The following IGSF9B variants were observed in gnomAD, a reference collection of about 807,000 sequenced individuals.
The protein encoded by IGSF9B is immunoglobulin superfamily member 9B.
Under a neutral mutation model 143.7 loss-of-function variants are expected in IGSF9B, and 48 were observed. The ratio of observed to expected loss-of-function variants is 0.33; its 90% CI spans 0.26 to 0.42. The LOEUF (loss-of-function observed/expected upper bound fraction) is 0.42. IGSF9B is among the 20% of genes least tolerant of loss of function. IGSF9B has a pLI of 1.00. For missense variants in IGSF9B, 1,706 were observed against 1,980.0 expected, an observed-to-expected ratio of 0.86 and a Z score of 2.63; for synonymous variants, 903 against 833.1, an observed-to-expected ratio of 1.08 and a Z score of -1.44.
At chr11:133,929,907 G>T in intron 11 of IGSF9B, 125 bp from the exon 12 acceptor site, 1 of 645,560 alleles carries the variant, frequency 1.5e-6, no homozygotes. Context: ...TACTGCAAGT[G>T]AAGGGATGGG....
At position 133,909,141 on chromosome 11, in the gene IGSF9B, C is replaced by T; in HGVS notation, c.4242G>A (p.Gln1414=). 6.5e-7 allele frequency: 1 copy of T among 1,535,940 alleles called. No individual in the cohort carries two copies. ...FARLSDLCHR[Q]LPEDQTAILN... ...GAATCGCTGTCTGGTCTTCCGGAAG[C>T]TGGCGGTGGCACAAGTCTGAGAGCC... Residue 1414 remains glutamine, a synonymous_variant, in exon 20 of 20, where the codon CAG becomes CAA. Transcript: ENST00000533871. The surrounding 1 kb of genome is among the most constrained non-coding windows in gnomAD (Gnocchi z 4.2).
At chr11:133,929,608 G>A in intron 12 of IGSF9B, 63 bp downstream of exon 12, 1 of 1,246,652 alleles carries the variant, frequency 8.0e-7, no homozygotes, top group Non-Finnish European at 1.2e-6. Context: ...TAGCCTGCAG[G>A]AAGACCGGGG....
chr11:133,934,328 C>T (rs1256549819), intron 7 of IGSF9B, among the ~76,000 whole-genome samples: 2 of 152,228 alleles, frequency 1.3e-5, no homozygotes, highest in Admixed American at 6.5e-5. Flanking sequence ...GCACAGCCTG[C>T]GTCCAGCACA....
rs1027982357 is a variant in IGSF9B, at chr11:133,904,862, C to T, written c.*4207G>A. 6.6e-6 allele frequency among the ~76,000 whole-genome samples: 1 copy of T among 151,408 alleles called. No homozygotes were observed. Among genetic ancestry groups the T allele is most frequent in the African/African-American group, 2.4e-5 (1 of 41,112 alleles). On this transcript the variant is annotated 3_prime_UTR_variant, in exon 20 of 20. Coordinates refer to ENST00000533871, the MANE Select transcript of IGSF9B (RefSeq NM_001277285.4). ...AAACACCAGTGCCCCATCCATTACC[C>T]TAGTCAATCTAGAGCTGGCCAATAA...
In IGSF9B at chr11:133,926,911, C is replaced by G; in HGVS notation, c.1807+5G>C. ...CGCTCCCAACATCCCACCCCGGGCC[C>G]TCACCTAAAGTGTTCACAGTGACCA... is the stretch of plus-strand genomic sequence containing the variant. On this transcript the variant is annotated splice_donor_5th_base_variant and intron_variant, in intron 13 of 19. Coordinates refer to ENST00000533871, the MANE Select transcript of IGSF9B (RefSeq NM_001277285.4). 15 of 1,576,228 alleles carry G rather than the reference C, an allele frequency of 9.5e-6. No homozygotes were observed. Among genetic ancestry groups the G allele is most frequent in the Non-Finnish European group, 1.3e-5 (15 of 1,157,452 alleles).
chr11:133,934,174 A>T (rs1939781891), intron 7 of IGSF9B, among the ~76,000 whole-genome samples: 3 of 152,184 alleles, frequency 2.0e-5, no homozygotes, highest in Non-Finnish European at 2.9e-5. Context: ...CGCTGGGGAG[A>T]GACAGGGAAA....
intron 18 of IGSF9B, 21 bp from the exon 19 acceptor site, chr11:133,912,028 G>A (rs1939309403): frequency 6.6e-7 from 1 of 1,506,066 alleles, no homozygotes; most frequent in Admixed American, 2.3e-5. Flanking sequence ...CAACCAGAGA[G>A]CCACAATTCA....
intron 17 of IGSF9B, 68 bp downstream of exon 17, chr11:133,922,109 G>A: frequency 7.5e-7 from 1 of 1,335,596 alleles, no homozygotes; most frequent in Non-Finnish European, 1.1e-6. Context: ...GGCTGGGTAA[G>A]GCGAGCGGTC....
Position 133,928,277 on chromosome 11 carries a change from T to C in IGSF9B, c.1632-1186A>G, listed in dbSNP as rs1414873932. 6.6e-6 allele frequency among the ~76,000 whole-genome samples: 1 copy of C among 152,082 alleles called. No individual in the cohort carries two copies. The highest frequency in any genetic ancestry group is 1.5e-5 in the Non-Finnish European group (1 of 68,010). ...CCCAGCAGCCACCGGGCAGGCTGGTTAGGGCCCCCACGCTGCTGCGGGAGG... is the reference window on the plus strand; with the variant it reads ...CCCAGCAGCCACCGGGCAGGCTGGTCAGGGCCCCCACGCTGCTGCGGGAGG... On this transcript the variant is annotated intron_variant, in intron 12 of 19. Transcript: ENST00000533871. The surrounding 1 kb of genome is among the most constrained non-coding windows in gnomAD (Gnocchi z 4.7).
intron 3 of IGSF9B, among the ~76,000 whole-genome samples, chr11:133,940,515 G>A (rs569043311): frequency 6.6e-4 from 90 of 136,932 alleles, no homozygotes; most frequent in African/African-American, 1.5e-3. Context: ...CCTCGCACGC[G>A]TCATCACATG....
intron 7 of IGSF9B, among the ~76,000 whole-genome samples, chr11:133,934,589 T>C (rs1457342579): frequency 1.3e-5 from 2 of 152,154 alleles, no homozygotes; most frequent in East Asian, 3.9e-4. Flanking sequence ...ATGCACTCCA[T>C]AGAGAGGAAA....
rs2121261108 is a variant in IGSF9B at position 133,906,440 on chromosome 11, C to T, written c.*2629G>A. 6.6e-6 allele frequency among the ~76,000 whole-genome samples: 1 copy of T among 152,330 alleles called. No individual in the cohort carries two copies. Among genetic ancestry groups the T allele is most frequent in the African/African-American group, 2.4e-5 (1 of 41,588 alleles). On this transcript the variant is annotated 3_prime_UTR_variant, in exon 20 of 20. Coordinates refer to ENST00000533871, the MANE Select transcript of IGSF9B (RefSeq NM_001277285.4). Reference sequence around the variant, plus strand: ...GGCAGGCCACTGAGAGATGGGCAGACCTGACGTCCTTGCCCTAGCCAGGGA... The same window carrying T: ...GGCAGGCCACTGAGAGATGGGCAGATCTGACGTCCTTGCCCTAGCCAGGGA...
chr11:133,951,989 C>G, intron 1 of IGSF9B: 1 of 449,828 alleles, frequency 2.2e-6, no homozygotes, highest in Admixed American at 2.4e-5. Context: ...CTCGGGGGCA[C>G]ACACGACCAG....
Position 133,919,898 on chromosome 11 carries a change from G to T in IGSF9B, c.3827C>A (p.Thr1276Asn), listed in dbSNP as rs529654411. Residue 1276 changes from threonine to asparagine, a missense_variant, in exon 18 of 20, where the codon ACC (threonine) becomes AAC (asparagine). Coordinates refer to ENST00000533871, the MANE Select transcript of IGSF9B (RefSeq NM_001277285.4). ...SPSYRPAMGFTTLATGYPSPP... is the reference protein window; with the variant it reads ...SPSYRPAMGFNTLATGYPSPP... ...GGAAGGGTAGCCGGTGGCCAGAGTG[G>T]TGAAGCCCATGGCGGGCCGGTAGCT... The T allele has an allele frequency of 1.3e-6, 2 of 1,581,664 alleles. No homozygotes were observed. Among genetic ancestry groups the T allele is most frequent in the Admixed American group, 1.8e-5 (1 of 55,050 alleles).
intron 1 of IGSF9B, among the ~76,000 whole-genome samples, chr11:133,947,177 G>A (rs543545311): frequency 6.6e-5 from 10 of 152,122 alleles, no homozygotes; most frequent in African/African-American, 2.2e-4. Context: ...AGAGGACGCC[G>A]CAGAGAGGAA....
At position 133,929,412 on chromosome 11, in the gene IGSF9B, C is replaced by T. The variant is rs997666561; in HGVS notation, c.1631+259G>A. Reference sequence around the variant, plus strand: ...AAGCAGGACGCAAAACGAGGCAGCACGTGAGCAGGGAGAGGGCACAGAGAG... The same window carrying T: ...AAGCAGGACGCAAAACGAGGCAGCATGTGAGCAGGGAGAGGGCACAGAGAG... On this transcript the variant is annotated intron_variant, in intron 12 of 19. Coordinates refer to ENST00000533871, the MANE Select transcript of IGSF9B (RefSeq NM_001277285.4). 2.0e-5 allele frequency among the ~76,000 whole-genome samples: 3 copies of T among 152,336 alleles called. No homozygotes were observed. The South Asian group carries it at 6.2e-4, about 32-fold the overall frequency.
chr11:133,914,485 G>A (rs1037278178), intron 18 of IGSF9B, among the ~76,000 whole-genome samples: 1 of 152,226 alleles, frequency 6.6e-6, no homozygotes, highest in East Asian at 1.9e-4. Context: ...AGACAGACCA[G>A]GGCTGGAGAG....
chr11:133,899,245 G>C lies in IGSF9B; in HGVS notation c.*9824C>G, dbSNP rs960630797. On this transcript the variant is annotated 3_prime_UTR_variant, in exon 20 of 20. Transcript: ENST00000533871. The stretch of plus-strand genomic sequence containing the variant: ...GCTGTGGGCCGTAAAAGCTCCATCA[G>C]AGCACACTCATCCACCTGTCGCCCC... 3 of 152,450 alleles carry C rather than the reference G, an allele frequency of 2.0e-5. No individual in the cohort carries two copies. The highest frequency in any genetic ancestry group is 4.4e-5 in the Non-Finnish European group (3 of 68,194). 9.4% of individuals were successfully genotyped at this position (152,450 alleles called of 1,614,324 possible).
intron 15 of IGSF9B, among the ~76,000 whole-genome samples, chr11:133,923,168 A>G (rs988170515): frequency 3.9e-5 from 6 of 152,342 alleles, no homozygotes; most frequent in Admixed American, 3.3e-4. Flanking sequence ...GGATATTGCC[A>G]TCAGTGCCCA....
Sources: allele counts gnomAD v4.1 joint callset (sites outside exome capture counted in the v4.1 genomes callset), GRCh38; gene constraint gnomAD v4.1.1; non-coding constraint Gnocchi (gnomAD v3.1); transcripts MANE v1.5; gene names NCBI Gene and HGNC (gene_info 2026-07-23, HGNC 2026-07-21).